KCNH7: variants seen among roughly 807,000 people sequenced by gnomAD.
KCNH7 encodes the protein potassium voltage-gated channel subfamily H member 7.
Under a neutral mutation model 120.8 loss-of-function variants are expected in KCNH7, and 49 were observed. The ratio of observed to expected loss-of-function variants is 0.41; its 90% confidence interval spans 0.32 to 0.51. KCNH7 has a LOEUF of 0.51. Among genes scored for constraint, KCNH7 ranks in the 20% least tolerant of loss-of-function variants. KCNH7 has a pLI of 0.38. For synonymous variants in KCNH7, 547 were observed against 516.1 expected, an observed-to-expected ratio of 1.06 and a Z score of -0.81; for missense variants, 1,097 against 1,446.6, an observed-to-expected ratio of 0.76 and a Z score of 3.92.
intron 6 of KCNH7, among the ~76,000 whole-genome samples, chr2:162,499,973 G>A (rs1215232839): frequency 6.6e-6 from 1 of 151,938 alleles, no homozygotes; most frequent in Admixed American, 6.6e-5. Context: ...CACACACAGT[G>A]TTTACCCATA....
At chr2:162,742,226 T>C (rs1185790456) in intron 2 of KCNH7, among the ~76,000 whole-genome samples, 2 of 152,176 alleles carry the variant, frequency 1.3e-5, no homozygotes, top group Non-Finnish European at 2.9e-5. Flanking sequence ...TCTAGAGCAA[T>C]GGGTGTCATA....
chr2:162,456,241 G>T (rs957307280), intron 6 of KCNH7, among the ~76,000 whole-genome samples: 4 of 152,038 alleles, frequency 2.6e-5, no homozygotes, highest in African/African-American at 9.7e-5. Flanking sequence ...ATGTAGTTGT[G>T]AGGTTTTGAG....
At chr2:162,709,461 G>T (rs1229857629) in intron 2 of KCNH7, among the ~76,000 whole-genome samples, 1 of 151,956 alleles carries the variant, frequency 6.6e-6, no homozygotes, top group African/African-American at 2.4e-5. Context: ...AAATAAGATG[G>T]GTGATCATCT....
intron 2 of KCNH7, among the ~76,000 whole-genome samples, chr2:162,752,954 A>AAAAGAAAAGAAAAG: frequency 7.7e-4 from 85 of 110,716 alleles, no homozygotes; most frequent in Admixed American, 6.0e-4. Flanking sequence ...AAAAGAAAAG[A>AAAAGAAAAGAAAAG]AAAGAAAAGA....
chr2:162,664,426 G>C (rs975676180), intron 2 of KCNH7, among the ~76,000 whole-genome samples: 1 of 152,050 alleles, frequency 6.6e-6, no homozygotes. Flanking sequence ...TTTATTCTTT[G>C]TCTCTAAAAC....
intron 2 of KCNH7, among the ~76,000 whole-genome samples, chr2:162,607,570 G>A (rs1682824939): frequency 6.6e-6 from 1 of 151,964 alleles, no homozygotes; most frequent in Admixed American, 6.6e-5. Flanking sequence ...TTGCATAGTT[G>A]TTAAATTTTG....
chr2:162,778,018 C>A (rs1285936461), intron 2 of KCNH7, among the ~76,000 whole-genome samples: 3 of 151,928 alleles, frequency 2.0e-5, no homozygotes, highest in Admixed American at 2.0e-4. Context: ...ATGAATGATT[C>A]TCCAAATAAT....
rs567089827 is a variant in KCNH7 at position 162,792,077 on chromosome 2, G to A, written c.307+44460C>T. ...GTGTCTTCAGTTCTGTTTATGTTATGTATCACATTTATTGATTTAGTTATG... is the reference window on the plus strand; with the variant it reads ...GTGTCTTCAGTTCTGTTTATGTTATATATCACATTTATTGATTTAGTTATG... On this transcript the variant is annotated intron_variant, in intron 2 of 15. Coordinates refer to ENST00000332142, the MANE Select transcript of KCNH7 (RefSeq NM_033272.4). Among the ~76,000 whole-genome samples the A allele has an allele frequency of 4.6e-5, 7 of 152,094 alleles. No homozygotes were observed. The South Asian group carries it at 1.2e-3, about 27-fold the overall frequency.
chr2:162,602,159 G>T (rs1053883597), intron 2 of KCNH7, among the ~76,000 whole-genome samples: 1 of 152,074 alleles, frequency 6.6e-6, no homozygotes, highest in Non-Finnish European at 1.5e-5. Flanking sequence ...TGAGGGAAAA[G>T]ATCCAGTAAG....
At chr2:162,744,099 C>A (rs1688229828) in intron 2 of KCNH7, among the ~76,000 whole-genome samples, 1 of 152,076 alleles carries the variant, frequency 6.6e-6, no homozygotes, top group Middle Eastern at 3.4e-3. Flanking sequence ...GGAGGTAGAA[C>A]AATTAATAAA....
At chr2:162,807,705 C>A (rs189279993) in intron 2 of KCNH7, among the ~76,000 whole-genome samples, 5 of 151,748 alleles carry the variant, frequency 3.3e-5, no homozygotes, top group African/African-American at 9.7e-5. Context: ...TTTTTTGAGA[C>A]GGAGTCTTGC....
chr2:162,760,389 GA>G (rs905805011), intron 2 of KCNH7, among the ~76,000 whole-genome samples: 44 of 151,848 alleles, frequency 2.9e-4, no homozygotes, highest in African/African-American at 1.1e-3. Flanking sequence ...CCTTGCATTT[GA>G]AAAAAATCAC....
intron 2 of KCNH7, among the ~76,000 whole-genome samples, chr2:162,786,662 C>A: frequency 6.6e-6 from 1 of 152,126 alleles, no homozygotes; most frequent in East Asian, 1.9e-4. Context: ...TAAATGTAAG[C>A]TGCTGTCTAA....
At chr2:162,720,879 T>C (rs959147812) in intron 2 of KCNH7, among the ~76,000 whole-genome samples, 1 of 152,178 alleles carries the variant, frequency 6.6e-6, no homozygotes, top group African/African-American at 2.4e-5. Flanking sequence ...TTTTTTGTGC[T>C]AATCACAACA....
intron 2 of KCNH7, among the ~76,000 whole-genome samples, chr2:162,719,715 T>C (rs1014105356): frequency 1.3e-5 from 2 of 152,024 alleles, no homozygotes; most frequent in African/African-American, 4.8e-5. Context: ...TTCAACCTAC[T>C]CGCTATTTCA....
chr2:162,729,883 T>A (rs1263708912), intron 2 of KCNH7, among the ~76,000 whole-genome samples: 3 of 151,990 alleles, frequency 2.0e-5, no homozygotes, highest in African/African-American at 4.8e-5. Context: ...TTTGTGAAAA[T>A]TTTTTTTCTT....
chr2:162,612,110 A>C (rs1448177682), intron 2 of KCNH7, among the ~76,000 whole-genome samples: 1 of 152,212 alleles, frequency 6.6e-6, no homozygotes, highest in Non-Finnish European at 1.5e-5. Context: ...CAATATAGCA[A>C]ACATTAATTT....
chr2:162,682,936 T>C (rs1336279155), intron 2 of KCNH7, among the ~76,000 whole-genome samples: 1 of 151,838 alleles, frequency 6.6e-6, no homozygotes, highest in Non-Finnish European at 1.5e-5. Flanking sequence ...AGACTTTTTA[T>C]AGTGTTCTGG....
intron 12 of KCNH7, among the ~76,000 whole-genome samples, chr2:162,385,893 G>T (rs1686557466): frequency 6.6e-6 from 1 of 151,718 alleles, no homozygotes; most frequent in African/African-American, 2.4e-5. Context: ...TTCCCATATG[G>T]CATAGAAATT....
Sources: gnomAD v4.1 joint callset for allele counts (sites outside exome capture counted in the v4.1 genomes callset) on GRCh38, gnomAD v4.1.1 for gene constraint, MANE v1.5 for transcripts, NCBI Gene and HGNC (gene_info 2026-07-23, HGNC 2026-07-21) for gene names.